Variants in TTYH3 observed in about 807,000 individuals in gnomAD.
TTYH3 encodes tweety family member 3.
Under a neutral mutation model 68.2 loss-of-function variants are expected in TTYH3, and 23 were observed. That is an observed-to-expected ratio of 0.34 (90% CI 0.24 to 0.48). TTYH3 has a LOEUF of 0.48. Ranked by LOEUF, TTYH3 falls within the 20% of genes least tolerant of loss-of-function variation. The pLI, the probability that TTYH3 is intolerant of heterozygous loss-of-function variation, is 0.99. For missense variants in TTYH3, 768 were observed against 727.7 expected (o/e 1.06, Z -0.64); for synonymous variants, 360 against 332.8 (o/e 1.08, Z -0.89).
chr7:2,659,838 A>G (rs1475784248), intron 13 of TTYH3: 5 of 1,229,592 alleles, frequency 4.1e-6, no homozygotes, highest in Non-Finnish European at 5.3e-6. Context: ...CGTCCTCGCC[A>G]TCACACGGCC....
At chr7:2,650,291 C>T (rs554117958) in intron 7 of TTYH3, among the ~76,000 whole-genome samples, 7 of 152,260 alleles carry the variant, frequency 4.6e-5, no homozygotes, top group African/African-American at 1.7e-4. Context: ...AAAGTACAGC[C>T]AGAGGTCTGG....
At chr7:2,654,919 C>T (rs996244724) in intron 9 of TTYH3, among the ~76,000 whole-genome samples, 10 of 152,090 alleles carry the variant, frequency 6.6e-5, no homozygotes, top group East Asian at 3.9e-4. Context: ...GGATTACAGG[C>T]GCCTGCAGCG....
chr7:2,644,809 C>T (rs893419024), intron 1 of TTYH3, among the ~76,000 whole-genome samples: 7 of 152,194 alleles, frequency 4.6e-5, no homozygotes, highest in Non-Finnish European at 8.8e-5. Flanking sequence ...GTGGAAAGGC[C>T]GCCTTCGGGT....
Position 2,652,858 on chromosome 7 carries a change from G to A in TTYH3, c.928-60G>A, listed in dbSNP as rs892723206. On this transcript the variant is annotated intron_variant, in intron 8 of 13. Coordinates refer to ENST00000258796, the MANE Select transcript of TTYH3 (RefSeq NM_025250.3). Reference sequence around the variant, plus strand: ...GGTGTCCCCGCGTTGGAGGGTCCTGGGGAGGGAGAGGCGGGCGGACCCAGC... The same window carrying A: ...GGTGTCCCCGCGTTGGAGGGTCCTGAGGAGGGAGAGGCGGGCGGACCCAGC... 32 of 1,419,172 alleles carry A rather than the reference G, an allele frequency of 2.3e-5. No individual in the cohort carries two copies. The African/African-American group carries it at 4.3e-4, about 19-fold the overall frequency. The allele number at this position is 1,419,172 out of a possible 1,614,324, so 87.9% of individuals were successfully genotyped here.
intron 2 of TTYH3, 54 bp from the exon 3 acceptor site, chr7:2,647,088 A>C: frequency 9.9e-7 from 1 of 1,007,340 alleles, no homozygotes; most frequent in Non-Finnish European, 1.4e-6. Context: ...GCGGGGCTGG[A>C]GTGGGGTGTG....
At chr7:2,634,305 T>C (rs1227612120) in intron 1 of TTYH3, among the ~76,000 whole-genome samples, 3 of 152,140 alleles carry the variant, frequency 2.0e-5, no homozygotes. Context: ...GAATCTGGGC[T>C]GGCCGTGCCT....
rs567238294 is a variant in TTYH3, at chr7:2,640,142, C to T, written c.124-6711C>T. Reference sequence around the variant, plus strand: ...CCCGCAGCAGTGTCCAGCCGAGGAGCGAGCAGCCGTGGCTGGAATGGCAGG... The same window carrying T: ...CCCGCAGCAGTGTCCAGCCGAGGAGTGAGCAGCCGTGGCTGGAATGGCAGG... On this transcript the variant is annotated intron_variant, in intron 1 of 13. Coordinates refer to ENST00000258796, the MANE Select transcript of TTYH3 (RefSeq NM_025250.3). 1.4e-4 allele frequency among the ~76,000 whole-genome samples: 21 copies of T among 152,340 alleles called. No individual in the cohort carries two copies. In the East Asian group the frequency reaches 1.7e-3, roughly 13 times the overall value.
chr7:2,642,225 T>C (rs1332340309), intron 1 of TTYH3, among the ~76,000 whole-genome samples: 1 of 152,012 alleles, frequency 6.6e-6, no homozygotes, highest in Non-Finnish European at 1.5e-5. Flanking sequence ...CCAGACCCTG[T>C]CTTTACAAAA....
At chr7:2,655,079 C>T (rs1483305522) in intron 9 of TTYH3, among the ~76,000 whole-genome samples, 8 of 152,226 alleles carry the variant, frequency 5.3e-5, no homozygotes, top group Non-Finnish European at 1.2e-4. Flanking sequence ...CAGACCGCAA[C>T]ACAGGAATTC....
intron 4 of TTYH3, 109 bp from the exon 5 acceptor site, chr7:2,647,850 C>T (rs778179801): frequency 2.9e-5 from 38 of 1,318,764 alleles, no homozygotes; most frequent in East Asian, 4.7e-5. Flanking sequence ...CTCTGAATGC[C>T]CTCTGGGGTG....
In TTYH3 at chr7:2,632,206, G is replaced by A. The variant is rs760793623; in HGVS notation, c.51G>A (p.Arg17=). Residue 17 remains arginine (R), a synonymous_variant, in exon 1 of 14, where the codon CGG becomes CGA. Coordinates refer to ENST00000258796, the MANE Select transcript of TTYH3 (RefSeq NM_025250.3). ...CCTGGTGGGTGAGCCTCCTGCACCGGCTGCCCCACTTCGACCTGAGCTGGG... is the reference window on the plus strand; with the variant it reads ...CCTGGTGGGTGAGCCTCCTGCACCGACTGCCCCACTTCGACCTGAGCTGGG... ...AAPWWVSLLH[R]LPHFDLSWEA... 5 of 1,565,070 alleles carry A rather than the reference G, an allele frequency of 3.2e-6. No individual in the cohort carries two copies. Among genetic ancestry groups the A allele is most frequent in the East Asian group, 2.4e-5 (1 of 41,914 alleles).
At chr7:2,632,352 C>T in intron 1 of TTYH3, 74 bp downstream of exon 1, 1 of 1,381,604 alleles carries the variant, frequency 7.2e-7, no homozygotes, top group Non-Finnish European at 9.6e-7. Flanking sequence ...GGGTCACGGC[C>T]CCCATCCCCG....
intron 1 of TTYH3, among the ~76,000 whole-genome samples, chr7:2,636,107 G>A (rs898018312): frequency 6.6e-5 from 10 of 152,172 alleles, no homozygotes; most frequent in African/African-American, 2.4e-4. Flanking sequence ...TGTTCTCCTA[G>A]CAGAGTTGGG....
At position 2,642,658 on chromosome 7, in the gene TTYH3, G is replaced by T. The variant is rs961507168; in HGVS notation, c.124-4195G>T. ...CAGGAGGATCACTTAAGCCCAGGAGGTTGAGGCTTCAGTGAGTGGTGATCG... is the reference window on the plus strand; with the variant it reads ...CAGGAGGATCACTTAAGCCCAGGAGTTTGAGGCTTCAGTGAGTGGTGATCG... On this transcript the variant is annotated intron_variant, in intron 1 of 13. Transcript: ENST00000258796. Among the ~76,000 whole-genome samples the T allele has an allele frequency of 1.3e-5, 2 of 152,006 alleles. 1 individual carries two copies. Among genetic ancestry groups the T allele is most frequent in the Middle Eastern group, 6.8e-3 (2 of 294 alleles).
At chr7:2,652,824 C>A in intron 8 of TTYH3, 94 bp from the exon 9 acceptor site, 1 of 985,392 alleles carries the variant, frequency 1.0e-6, no homozygotes. Context: ...CCAGGCTGGA[C>A]GTCTTGCTGG....
At chr7:2,648,404 T>G in intron 5 of TTYH3, 1 of 235,100 alleles carries the variant, frequency 4.3e-6, no homozygotes, top group Non-Finnish European at 8.2e-6. Context: ...CTTCCATCCT[T>G]GGCCCTGGGG....
At chr7:2,635,147 TG>T in intron 1 of TTYH3, among the ~76,000 whole-genome samples, 2 of 152,282 alleles carry the variant, frequency 1.3e-5, no homozygotes, top group South Asian at 4.1e-4. Flanking sequence ...GACTCCCTGG[TG>T]GCCCTGCAGC....
rs1384139856 is a variant in TTYH3, at chr7:2,647,415, C to T, written c.406-3C>T. 3 of 1,496,772 alleles carry T rather than the reference C, an allele frequency of 2.0e-6. No individual in the cohort carries two copies. The highest frequency in any genetic ancestry group is 2.7e-6 in the Non-Finnish European group (3 of 1,127,176). 92.7% of individuals were successfully genotyped at this position (1,496,772 alleles called of 1,614,324 possible). ...CAGCCTCACGCCCGCGGGTCCGGCG[C>T]AGGTGTGGGACACGGCGGTGGGGCT... On this transcript the variant is annotated splice_region_variant and splice_polypyrimidine_tract_variant and intron_variant, in intron 3 of 13. Transcript: ENST00000258796.
At chr7:2,656,372 C>T (rs200787274) in intron 10 of TTYH3, 26 bp from the exon 11 acceptor site, 121 of 1,599,446 alleles carry the variant, frequency 7.6e-5, no homozygotes, top group African/African-American at 2.7e-4. Context: ...GTCTCTGGAT[C>T]CTGCCATCTC....
Sources: gnomAD v4.1 joint callset for allele counts (sites outside exome capture counted in the v4.1 genomes callset) on GRCh38, gnomAD v4.1.1 for gene constraint, MANE v1.5 for transcripts, NCBI Gene and HGNC (gene_info 2026-07-23, HGNC 2026-07-21) for gene names.